WNT10A: variants seen among roughly 807,000 people sequenced by gnomAD.
WNT10A encodes the protein Wnt family member 10A.
WNT10A carries 37 observed loss-of-function variants against 36.1 expected under a neutral mutation model. The observed-to-expected ratio is 1.02, with a 90% CI of 0.79 to 1.35. The LOEUF (loss-of-function observed/expected upper bound fraction) is 1.35, where lower values mean the gene tolerates loss of function less well. Among genes scored for constraint, WNT10A ranks in the 40% most tolerant of loss-of-function variants. The pLI is 0.00. For synonymous variants in WNT10A, 255 were observed against 254.1 expected (o/e 1.00, Z -0.03); for missense variants, 613 against 601.4 (o/e 1.02, Z -0.20).
rs901703471 is a variant in WNT10A, at chr2:218,884,505, G to A, written c.376+2082G>A. Among the ~76,000 whole-genome samples, 5 of 152,132 alleles carry A rather than the reference G, an allele frequency of 3.3e-5. No homozygotes were observed. In the South Asian group the frequency reaches 1.0e-3, roughly 32 times the overall value. On this transcript the variant is annotated intron_variant, in intron 2 of 3. Transcript: ENST00000258411. ...TTCCGCTCCCCAGCTCCCTATCAAC[G>A]CCCCTCATTGCCACACCTCACACCT... is the stretch of plus-strand genomic sequence containing the variant.
upstream of WNT10A, among the ~76,000 whole-genome samples, chr2:218,876,689 T>G (rs568109078): frequency 6.6e-6 from 1 of 152,302 alleles, no homozygotes; most frequent in African/African-American, 2.4e-5. Flanking sequence ...AGGGCAAGGT[T>G]TATATTCACA....
At chr2:218,879,740 G>T (rs542193722), upstream of WNT10A, among the ~76,000 whole-genome samples, 5 of 152,312 alleles carry the variant, frequency 3.3e-5, no homozygotes, top group East Asian at 9.6e-4. Flanking sequence ...TGGGAGTCAG[G>T]AGAGCTGCGT....
chr2:218,893,157 C>T lies in WNT10A; in HGVS notation c.1140C>T (p.Gly380=), dbSNP rs546588039. Residue 380 remains glycine, a synonymous_variant, in exon 4 of 4, where the codon GGC becomes GGT. Transcript: ENST00000258411. This position sits in a 1 kb window ranked among gnomAD's most constrained non-coding sequence, Gnocchi z 6.3. The stretch of plus-strand genomic sequence containing the variant: ...GCGGCAGCATGTGCTGCGGCCGCGG[C>T]CACAACATCCTGCGCCAGACGCGCA... ...DGCGSMCCGR[G]HNILRQTRSE... The T allele has an allele frequency of 1.9e-6, 3 of 1,589,324 alleles. No homozygotes were observed. The East Asian group carries it at 6.7e-5, about 36-fold the overall frequency.
chr2:218,881,345 A>G (rs553564944), intron 1 of WNT10A, among the ~76,000 whole-genome samples: 1 of 151,566 alleles, frequency 6.6e-6, no homozygotes. Context: ...GGCAACTAGG[A>G]GGGGAGGTGT....
At chr2:218,881,927 T>C (rs1944521288) in intron 1 of WNT10A, among the ~76,000 whole-genome samples, 1 of 152,178 alleles carries the variant, frequency 6.6e-6, no homozygotes, top group African/African-American at 2.4e-5. Context: ...GTGTGTGCAT[T>C]TGCACGCTTA....
chr2:218,890,470 C>T, intron 3 of WNT10A, 107 bp downstream of exon 3: 2 of 1,493,526 alleles, frequency 1.3e-6, no homozygotes, highest in Non-Finnish European at 1.8e-6. Flanking sequence ...CATGTCACAC[C>T]TTGGCAATCT....
At position 218,893,470 on chromosome 2, in the gene WNT10A, C is replaced by A; in HGVS notation, c.*199C>A. 1.4e-6 allele frequency: 1 copy of A among 706,932 alleles called. No homozygotes were observed. The highest frequency in any genetic ancestry group is 1.8e-5 in the African/African-American group (1 of 55,078). 43.8% of individuals were successfully genotyped at this position (706,932 alleles called of 1,614,324 possible). On this transcript the variant is annotated 3_prime_UTR_variant, in exon 4 of 4. Transcript: ENST00000258411. The surrounding 1 kb of genome is among the most constrained non-coding windows in gnomAD (Gnocchi z 6.3). ...CCTGTCTGAACCCCACCACTCACTTCTGTGGGCTCTAGGACTGACTGGGTT... is the reference window on the plus strand; with the variant it reads ...CCTGTCTGAACCCCACCACTCACTTATGTGGGCTCTAGGACTGACTGGGTT...
At chr2:218,880,797 C>T (rs1030030122), upstream of WNT10A, 2 of 509,050 alleles carry the variant, frequency 3.9e-6, no homozygotes, top group East Asian at 3.5e-5. The surrounding 1 kb of genome is among the most constrained non-coding windows in gnomAD (Gnocchi z 7.7). Context: ...ACCCCCCGCC[C>T]CCCCCGAGGG....
intron 2 of WNT10A, among the ~76,000 whole-genome samples, chr2:218,883,078 C>T (rs1242600765): frequency 6.6e-6 from 1 of 152,230 alleles, no homozygotes; most frequent in Non-Finnish European, 1.5e-5. Context: ...CATTCCCTGT[C>T]CTCCCTCTCC....
chr2:218,878,903 C>T (rs1037508342), upstream of WNT10A, among the ~76,000 whole-genome samples: 3 of 152,196 alleles, frequency 2.0e-5, no homozygotes, highest in Non-Finnish European at 4.4e-5. This position sits in a 1 kb window ranked among gnomAD's most constrained non-coding sequence, Gnocchi z 4.1. Context: ...CCACCCTTAC[C>T]CTTACCGCTT....
At chr2:218,881,480 G>A (rs978725607) in intron 1 of WNT10A, among the ~76,000 whole-genome samples, 3 of 152,152 alleles carry the variant, frequency 2.0e-5, no homozygotes, top group Non-Finnish European at 4.4e-5. Context: ...AGGGGCAGGG[G>A]TTGGGAGGCT....
Position 218,892,776 on chromosome 2 carries a change from A to G in WNT10A, c.759A>G (p.Ala253=). 6.3e-7 allele frequency: 1 copy of G among 1,590,510 alleles called. No homozygotes were observed. The highest frequency in any genetic ancestry group is 1.7e-5 in the Admixed American group (1 of 57,604). ...CCTCACGGTGCCTCCCTCCGCAGGCAGTGATGGAGAACATGCGGCGGAAGT... is the reference window on the plus strand; with the variant it reads ...CCTCACGGTGCCTCCCTCCGCAGGCGGTGATGGAGAACATGCGGCGGAAGT... ...RLHNNRVGRQ[A]VMENMRRKCK... Residue 253 remains alanine, a splice_region_variant and synonymous_variant, in exon 4 of 4, where the codon GCA becomes GCG. Coordinates refer to ENST00000258411, the MANE Select transcript of WNT10A (RefSeq NM_025216.3).
intron 2 of WNT10A, among the ~76,000 whole-genome samples, chr2:218,887,193 G>A (rs907578742): frequency 1.3e-5 from 2 of 152,144 alleles, no homozygotes; most frequent in Non-Finnish European, 2.9e-5. Flanking sequence ...GGGAGAGCTG[G>A]GTCTGGATGC....
At chr2:218,887,314 G>A (rs764612676) in intron 2 of WNT10A, among the ~76,000 whole-genome samples, 48 of 152,152 alleles carry the variant, frequency 3.2e-4, no homozygotes, top group Non-Finnish European at 6.5e-4. Flanking sequence ...GGCTGCCTCT[G>A]GAGGTCTGAG....
chr2:218,876,402 TCCC>T (rs1451150197), upstream of WNT10A, among the ~76,000 whole-genome samples: 1 of 152,064 alleles, frequency 6.6e-6, no homozygotes, highest in Non-Finnish European at 1.5e-5. Flanking sequence ...CCCCTGTCCT[TCCC>T]CCGCAATGCC....
At chr2:218,889,961 GT>G in intron 2 of WNT10A, 22 bp from the exon 3 acceptor site, 3 of 1,611,896 alleles carry the variant, frequency 1.9e-6, no homozygotes, top group Non-Finnish European at 8.5e-7. Context: ...CAGAGTCCAT[GT>G]GTTCTGGGTC....
upstream of WNT10A, among the ~76,000 whole-genome samples, chr2:218,875,879 C>G (rs1944449367): frequency 6.6e-6 from 1 of 152,194 alleles, no homozygotes; most frequent in Non-Finnish European, 1.5e-5. Flanking sequence ...ATGAAGATAC[C>G]TGACTTTTAG....
chr2:218,889,994 G>A lies in WNT10A; in HGVS notation c.387G>A (p.Glu129=). 6.2e-7 allele frequency: 1 copy of A among 1,612,896 alleles called. No homozygotes were observed. The highest frequency in any genetic ancestry group is 8.5e-7 in the Non-Finnish European group (1 of 1,180,048). Residue 129 remains glutamate (E), a synonymous_variant, in exon 3 of 4, where the codon GAG becomes GAA. Coordinates refer to ENST00000258411, the MANE Select transcript of WNT10A (RefSeq NM_025216.3). The stretch of plus-strand genomic sequence containing the variant: ...GGTCTTTAACCACAGGTTTCCGAGA[G>A]AGCGCTTTTGCCTACGCCATCGCAG... ...ESPIFSRGFR[E]SAFAYAIAAA...
chr2:218,882,968 G>A, intron 2 of WNT10A, among the ~76,000 whole-genome samples: 1 of 152,322 alleles, frequency 6.6e-6, no homozygotes, highest in Non-Finnish European at 1.5e-5. Flanking sequence ...CTGAATCAGA[G>A]GTGCTGGGTG....
Sources: gnomAD v4.1 joint callset for allele counts (sites outside exome capture counted in the v4.1 genomes callset) on GRCh38, gnomAD v4.1.1 for gene constraint, Gnocchi (gnomAD v3.1) non-coding constraint, MANE v1.5 for transcripts, NCBI Gene and HGNC (gene_info 2026-07-23, HGNC 2026-07-21) for gene names.